Variants in ADGRL2 observed in about 807,000 individuals in gnomAD.
ADGRL2 encodes calcium-independent alpha-latrotoxin receptor 2.
In ADGRL2, 44 loss-of-function variants were observed where a neutral mutation model predicts 157.4. That is an observed-to-expected ratio of 0.28 (90% CI 0.22 to 0.36). The LOEUF (loss-of-function observed/expected upper bound fraction) is 0.36, where lower values mean the gene tolerates loss of function less well. Among genes scored for constraint, ADGRL2 ranks in the 10% least tolerant of loss-of-function variants. The pLI, the probability that ADGRL2 is intolerant of heterozygous loss-of-function variation, is 1.00. For synonymous variants in ADGRL2, 585 were observed against 624.7 expected (o/e 0.94, Z 0.95); for missense variants, 1,510 against 1,768.9 (o/e 0.85, Z 2.63).
intron 2 of ADGRL2, among the ~76,000 whole-genome samples, chr1:81,576,143 A>T (rs2148516830): frequency 6.6e-6 from 1 of 152,248 alleles, no homozygotes; most frequent in African/African-American, 2.4e-5. Context: ...CACCCTACAC[A>T]CAACATGAAG....
chr1:81,697,472 G>A (rs1313049111), upstream of ADGRL2, among the ~76,000 whole-genome samples: 34 of 152,286 alleles, frequency 2.2e-4, no homozygotes. Flanking sequence ...TTGAAGGAAA[G>A]CATGGAAGGC....
chr1:81,385,361 T>A (rs952127407), intron 1 of ADGRL2, among the ~76,000 whole-genome samples: 1 of 152,116 alleles, frequency 6.6e-6, no homozygotes, highest in South Asian at 2.1e-4. Context: ...TTCCAAAGGC[T>A]GCATAAAATG....
At chr1:81,393,244 G>A (rs1265600487) in intron 1 of ADGRL2, among the ~76,000 whole-genome samples, 1 of 151,564 alleles carries the variant, frequency 6.6e-6, no homozygotes, top group Non-Finnish European at 1.5e-5. Context: ...CTCAGCAAGC[G>A]ATATTTAAAC....
intron 3 of ADGRL2, among the ~76,000 whole-genome samples, chr1:81,657,441 T>C (rs1230559431): frequency 2.0e-5 from 3 of 152,154 alleles, no homozygotes; most frequent in African/African-American, 7.2e-5. Flanking sequence ...TGTTTATAAA[T>C]TACCCAGTCT....
Position 81,553,336 on chromosome 1 carries a change from C to T in ADGRL2, c.-247-27540C>T, listed in dbSNP as rs895092415. 4.6e-5 allele frequency among the ~76,000 whole-genome samples: 7 copies of T among 152,236 alleles called. No homozygotes were observed. In the South Asian group the frequency reaches 6.2e-4, roughly 14 times the overall value. ...AGCAAATTTCTTTGCCAAATTTAAG[C>T]ACCCGGTTTTTGAACTTTTAGTATC... On this transcript the variant is annotated intron_variant, in intron 2 of 24. Transcript: ENST00000370721.
chr1:81,973,873 C>T (rs1266958173), intron 17 of ADGRL2, among the ~76,000 whole-genome samples: 2 of 152,120 alleles, frequency 1.3e-5, no homozygotes, highest in East Asian at 3.9e-4. Context: ...TACAAAACAG[C>T]GTCTTGCAAA....
At chr1:81,983,620 T>C (rs901351385) in intron 19 of ADGRL2, among the ~76,000 whole-genome samples, 1 of 151,992 alleles carries the variant, frequency 6.6e-6, no homozygotes, top group African/African-American at 2.4e-5. Context: ...AATATTTTCT[T>C]ATGCAGTTTC....
chr1:81,987,060 T>A (rs1663369711), intron 22 of ADGRL2, 31 bp downstream of exon 22: 9 of 1,606,654 alleles, frequency 5.6e-6, no homozygotes, highest in Non-Finnish European at 5.9e-6. Context: ...AAACTACCTT[T>A]CTTTGCTGCT....
chr1:81,748,843 T>A (rs2085399407), intron 1 of ADGRL2, among the ~76,000 whole-genome samples: 1 of 151,984 alleles, frequency 6.6e-6, no homozygotes, highest in Non-Finnish European at 1.5e-5. Context: ...AATTTTTGTC[T>A]TTTTAGTAGA....
intron 2 of ADGRL2, among the ~76,000 whole-genome samples, chr1:81,764,877 T>C (rs778022235): frequency 1.3e-5 from 2 of 152,086 alleles, no homozygotes; most frequent in Non-Finnish European, 2.9e-5. Context: ...ATTGAGAGAC[T>C]TGGAGTCATT....
intron 1 of ADGRL2, among the ~76,000 whole-genome samples, chr1:81,399,862 C>T (rs12568898): frequency 0.28 from 42,152 of 151,806 alleles, 6,080 homozygotes; most frequent in Admixed American, 0.36. Flanking sequence ...TTTCATGTTT[C>T]CTGTAGCCCT....
At chr1:81,910,077 T>C (rs542359572) in intron 3 of ADGRL2, among the ~76,000 whole-genome samples, 1 of 151,802 alleles carries the variant, frequency 6.6e-6, no homozygotes, top group East Asian at 1.9e-4. Context: ...CTGTCTCTAC[T>C]AAAAATATAA....
intron 1 of ADGRL2, among the ~76,000 whole-genome samples, chr1:81,802,707 C>G (rs114175377): frequency 0.021 from 3,230 of 152,238 alleles, 125 homozygotes; most frequent in African/African-American, 0.074. Flanking sequence ...ACCCCAGCGT[C>G]CCGCCCGCTT....
chr1:81,975,997 C>A (rs1031543123), intron 17 of ADGRL2, among the ~76,000 whole-genome samples: 3 of 151,956 alleles, frequency 2.0e-5, no homozygotes, highest in Non-Finnish European at 2.9e-5. Flanking sequence ...TTTAGCATTA[C>A]ATTTTTTTAA....
chr1:81,425,470 A>G (rs1031823332), intron 1 of ADGRL2, among the ~76,000 whole-genome samples: 2 of 152,172 alleles, frequency 1.3e-5, no homozygotes, highest in African/African-American at 4.8e-5. Context: ...TCTACTTTTC[A>G]GGGGAAAAAA....
intron 3 of ADGRL2, among the ~76,000 whole-genome samples, chr1:81,637,889 G>C (rs1346322925): frequency 1.3e-5 from 2 of 150,332 alleles, no homozygotes; most frequent in African/African-American, 2.4e-5. Context: ...GTGGGCCTAA[G>C]AAAGCATACT....
intron 3 of ADGRL2, among the ~76,000 whole-genome samples, chr1:81,604,950 G>A (rs937668988): frequency 6.6e-6 from 1 of 152,140 alleles, no homozygotes; most frequent in East Asian, 1.9e-4. Flanking sequence ...ACCACCATTG[G>A]TTTTTCTTTA....
intron 1 of ADGRL2, among the ~76,000 whole-genome samples, chr1:81,312,299 T>C (rs557494324): frequency 4.6e-5 from 7 of 152,134 alleles, no homozygotes; most frequent in Non-Finnish European, 1.0e-4. Flanking sequence ...ACCCAACCAA[T>C]GTGGAGGTAG....
intron 3 of ADGRL2, among the ~76,000 whole-genome samples, chr1:81,682,975 A>T (rs951551991): frequency 4.6e-5 from 7 of 152,274 alleles, no homozygotes; most frequent in Non-Finnish European, 5.9e-5. Flanking sequence ...TCTACTAAAA[A>T]TACAAAGATT....
Sources: gnomAD v4.1 joint callset for allele counts (sites outside exome capture counted in the v4.1 genomes callset) on GRCh38, gnomAD v4.1.1 for gene constraint, MANE v1.5 for transcripts, NCBI Gene and HGNC (gene_info 2026-07-23, HGNC 2026-07-21) for gene names.